The following NAAA variants were observed in gnomAD, a reference collection of about 807,000 sequenced individuals.
NAAA encodes the protein N-acylethanolamine acid amidase.
In NAAA, 39 loss-of-function variants were observed where a neutral mutation model predicts 44.8. That is an observed-to-expected ratio of 0.87 (90% CI 0.67 to 1.14). The LOEUF (loss-of-function observed/expected upper bound fraction) is 1.14. Among genes scored for constraint, NAAA ranks in the 50% most tolerant of loss-of-function variants. The pLI is 0.00. For missense variants in NAAA, 460 were observed against 467.8 expected (o/e 0.98, Z 0.15); for synonymous variants, 178 against 191.3 (o/e 0.93, Z 0.58).
At chr4:75,932,866 G>A (rs1051639200) in intron 3 of NAAA, among the ~76,000 whole-genome samples, 6 of 151,768 alleles carry the variant, frequency 4.0e-5, no homozygotes, top group Admixed American at 2.0e-4. Context: ...AAGGCATGGT[G>A]GCTCACACCT....
chr4:75,940,205 G>A, intron 1 of NAAA, 40 bp from the exon 2 acceptor site: 1 of 1,591,568 alleles, frequency 6.3e-7, no homozygotes, highest in Non-Finnish European at 8.6e-7. Flanking sequence ...CCCGCTCAGA[G>A]GTCGGCGGCG....
rs1725436558 is a variant in NAAA at position 75,913,854 on chromosome 4, AC to A, written c.*520del. On this transcript the variant is annotated 3_prime_UTR_variant, in exon 11 of 11. Transcript: ENST00000286733. Reference sequence around the variant, plus strand: ...CATTATAAAAAACGAGACTCCCATTACATGGAAACACATGATCAAAGATCAG... The same window carrying A: ...CATTATAAAAAACGAGACTCCCATTAATGGAAACACATGATCAAAGATCAG... The A allele has an allele frequency of 1.0e-6, 1 of 985,146 alleles. No individual in the cohort carries two copies. Among genetic ancestry groups the A allele is most frequent in the Admixed American group, 6.2e-5 (1 of 16,254 alleles). 61.0% of individuals were successfully genotyped at this position (985,146 alleles called of 1,614,324 possible).
chr4:75,940,127 T>C lies in NAAA; in HGVS notation c.245A>G (p.Lys82Arg). The C allele has an allele frequency of 6.2e-7, 1 of 1,614,084 alleles. No individual in the cohort carries two copies. Among genetic ancestry groups the C allele is most frequent in the Non-Finnish European group, 8.5e-7 (1 of 1,180,022 alleles). Residue 82 changes from lysine (K) to arginine (R), a missense_variant, in exon 2 of 11, where the codon AAA (lysine) becomes AGA (arginine). Physicochemically the swap from Lys to Arg is conservative, Grantham distance 26 (BLOSUM62 2). Transcript: ENST00000286733. ...VPKWVHVLIG[K>R]VVLELERFLP... ...GAAGCGCTCCAGCTCCAGGACCACT[T>C]TTCCGATTAACACGTGCACCCACTT...
At chr4:75,920,133 C>T (rs1366994713) in intron 7 of NAAA, among the ~76,000 whole-genome samples, 158 bp from the exon 8 acceptor site, 1 of 152,232 alleles carries the variant, frequency 6.6e-6, no homozygotes, top group Non-Finnish European at 1.5e-5. Flanking sequence ...GAGGCCCAGC[C>T]CACCACAGTG....
intron 9 of NAAA, among the ~76,000 whole-genome samples, chr4:75,915,249 T>C (rs1725531015): frequency 6.6e-6 from 1 of 152,174 alleles, no homozygotes; most frequent in African/African-American, 2.4e-5. Flanking sequence ...CTAGGGAGGC[T>C]GAGGCAGGAG....
chr4:75,937,048 G>A (rs1418212971), intron 2 of NAAA, among the ~76,000 whole-genome samples: 3 of 152,122 alleles, frequency 2.0e-5, no homozygotes, highest in African/African-American at 4.8e-5. Flanking sequence ...TACATTTACT[G>A]ATTTTCTACA....
chr4:75,926,300 C>T (rs1726681086), intron 4 of NAAA, among the ~76,000 whole-genome samples: 1 of 152,138 alleles, frequency 6.6e-6, no homozygotes, highest in South Asian at 2.1e-4. Context: ...GTGACTCATG[C>T]CTGTAATCCC....
Position 75,940,929 on chromosome 4 carries a change from C to T in NAAA, c.21G>A (p.Glu7=). ...GCAGGGACGGAAGCCCCGGGCGCGCCTCCCGGTCCGCGGTCCGCATGGCTC... is the reference window on the plus strand; with the variant it reads ...GCAGGGACGGAAGCCCCGGGCGCGCTTCCCGGTCCGCGGTCCGCATGGCTC... MRTADR[E]ARPGLPSLLL... is the part of the protein sequence containing the mutation. Residue 7 remains glutamate (E), a synonymous_variant, in exon 1 of 11, where the codon GAG becomes GAA. Transcript: ENST00000286733. 6.7e-7 allele frequency: 1 copy of T among 1,500,508 alleles called. No homozygotes were observed. Among genetic ancestry groups the T allele is most frequent in the Non-Finnish European group, 8.8e-7 (1 of 1,133,458 alleles). 92.9% of individuals were successfully genotyped at this position (1,500,508 alleles called of 1,614,324 possible). A position where few individuals can be genotyped will look rare whatever the true frequency, so the allele number is the denominator to read the frequency against.
chr4:75,917,777 A>T (rs1578036977), intron 9 of NAAA: 3 of 67,136 alleles, frequency 4.5e-5, no homozygotes, highest in South Asian at 1.1e-3. Flanking sequence ...GCTTTCACTT[A>T]AAAAAAAAAA....
chr4:75,936,361 G>A (rs1727720295), intron 2 of NAAA, 126 bp from the exon 3 acceptor site: 1 of 998,460 alleles, frequency 1.0e-6, no homozygotes, highest in East Asian at 2.5e-5. Context: ...TGATATATGT[G>A]CTATAATGCT....
chr4:75,929,880 C>T (rs575144986), intron 4 of NAAA, among the ~76,000 whole-genome samples: 15 of 152,014 alleles, frequency 9.9e-5, no homozygotes, highest in Admixed American at 4.6e-4. Context: ...ACCTGAGGTT[C>T]GGAGTTCGAG....
At chr4:75,918,184 T>C (rs1362742780) in intron 9 of NAAA, among the ~76,000 whole-genome samples, 1 of 152,206 alleles carries the variant, frequency 6.6e-6, no homozygotes, top group Non-Finnish European at 1.5e-5. Flanking sequence ...CCGGGCGCAG[T>C]GGCTCACTCC....
chr4:75,918,605 T>G, intron 9 of NAAA, among the ~76,000 whole-genome samples, 156 bp downstream of exon 9: 1 of 151,942 alleles, frequency 6.6e-6, no homozygotes, highest in African/African-American at 2.4e-5. Flanking sequence ...AGAGACTTTG[T>G]TTTGCTCGCA....
At chr4:75,928,961 G>GTTT (rs556368814) in intron 4 of NAAA, among the ~76,000 whole-genome samples, 1 of 143,528 alleles carries the variant, frequency 7.0e-6, no homozygotes, top group African/African-American at 2.6e-5. Context: ...CTAAATTTGT[G>GTTT]TTTTTTTTTT....
intron 9 of NAAA, chr4:75,917,736 G>T (rs1389307964): frequency 1.5e-5 from 6 of 394,014 alleles, no homozygotes; most frequent in Non-Finnish European, 3.0e-5. Flanking sequence ...AAAGGGCTGG[G>T]ATTACAGGCG....
At chr4:75,917,178 T>G (rs181791136) in intron 9 of NAAA, 1 of 739,686 alleles carries the variant, frequency 1.4e-6, no homozygotes. Flanking sequence ...AAGGGCAACA[T>G]TGTGCCCCGC....
chr4:75,940,324 AG>A (rs1208274594), intron 1 of NAAA, 159 bp from the exon 2 acceptor site: 2 of 485,338 alleles, frequency 4.1e-6, no homozygotes, highest in Non-Finnish European at 6.8e-6. Flanking sequence ...CTCAATCTGC[AG>A]CCTCCCGGGA....
intron 4 of NAAA, chr4:75,930,563 C>A (rs1429023112): frequency 6.1e-6 from 3 of 488,124 alleles, no homozygotes; most frequent in African/African-American, 3.9e-5. Flanking sequence ...CATCATATAT[C>A]CCCTAGATTA....
chr4:75,934,779 G>C (rs1161716137), intron 3 of NAAA: 1 of 152,164 alleles, frequency 6.6e-6, no homozygotes, highest in Non-Finnish European at 1.5e-5. Context: ...TTCAGTAACA[G>C]TCACCTGAGT....
Sources: allele counts gnomAD v4.1 joint callset (sites outside exome capture counted in the v4.1 genomes callset), GRCh38; gene constraint gnomAD v4.1.1; transcripts MANE v1.5; gene names NCBI Gene and HGNC (gene_info 2026-07-23, HGNC 2026-07-21).